Variants in TAS2R1 observed in about 807,000 individuals in gnomAD.
TAS2R1 encodes taste 2 receptor member 1.
For missense variants in TAS2R1, 370 were observed against 353.4 expected, an observed-to-expected ratio of 1.05 and a Z score of -0.38; for synonymous variants, 141 against 134.2, an observed-to-expected ratio of 1.05 and a Z score of -0.35.
chr5:9,850,240 T>A, the TAS2R1 span, among the ~76,000 whole-genome samples: 2 of 152,176 alleles, frequency 1.3e-5, no homozygotes, highest in Non-Finnish European at 2.9e-5. Flanking sequence ...ACATTGCTTG[T>A]CTACAAACTC....
At chr5:9,879,784 T>C in the TAS2R1 span, among the ~76,000 whole-genome samples, 6 of 152,190 alleles carry the variant, frequency 3.9e-5, no homozygotes, top group Non-Finnish European at 5.9e-5. Context: ...TCAAATTGTA[T>C]GGTGAAATGT....
the TAS2R1 span, among the ~76,000 whole-genome samples, chr5:9,751,826 A>G: frequency 6.6e-6 from 1 of 152,228 alleles, no homozygotes; most frequent in Admixed American, 6.5e-5. Context: ...TTCTAACTCA[A>G]TGTCCTAAGG....
chr5:9,836,084 T>C, the TAS2R1 span, among the ~76,000 whole-genome samples: 3 of 152,120 alleles, frequency 2.0e-5, no homozygotes, highest in East Asian at 5.9e-4. Context: ...TGATAGCAAA[T>C]AAGTCTCATG....
intron 1 of TAS2R1, among the ~76,000 whole-genome samples, chr5:9,702,914 G>A (rs1397934819): frequency 6.6e-6 from 1 of 152,050 alleles, no homozygotes; most frequent in Non-Finnish European, 1.5e-5. Context: ...TTACAGGAAA[G>A]GAGGGGAAGG....
chr5:9,647,335 A>G (rs1176414939), intron 2 of TAS2R1, among the ~76,000 whole-genome samples: 16 of 152,196 alleles, frequency 1.1e-4, no homozygotes, highest in Admixed American at 1.0e-3. Context: ...AGTTTTGACC[A>G]GCACAGCCTC....
chr5:9,853,501 C>T, the TAS2R1 span, among the ~76,000 whole-genome samples: 1 of 152,164 alleles, frequency 6.6e-6, no homozygotes, highest in Admixed American at 6.6e-5. Flanking sequence ...TGGTAACTTC[C>T]AGGTGTTGCC....
At chr5:9,784,854 G>T in the TAS2R1 span, among the ~76,000 whole-genome samples, 2 of 152,088 alleles carry the variant, frequency 1.3e-5, no homozygotes, top group Non-Finnish European at 2.9e-5. Flanking sequence ...TAGATTAGGG[G>T]TCCACCCTAC....
the TAS2R1 span, among the ~76,000 whole-genome samples, chr5:9,778,253 G>T: frequency 6.6e-6 from 1 of 152,238 alleles, no homozygotes; most frequent in South Asian, 2.1e-4. Context: ...AGTAGATCTC[G>T]ATGGTGGGCT....
chr5:9,780,458 A>T, the TAS2R1 span, among the ~76,000 whole-genome samples: 1 of 152,162 alleles, frequency 6.6e-6, no homozygotes, highest in South Asian at 2.1e-4. Context: ...CCCCCTACCC[A>T]CTAATGGACA....
At chr5:9,779,124 C>T in the TAS2R1 span, among the ~76,000 whole-genome samples, 3 of 152,178 alleles carry the variant, frequency 2.0e-5, no homozygotes, top group African/African-American at 7.2e-5. Context: ...GGCTTGGTGC[C>T]GTCCTCGCAG....
chr5:9,772,195 C>T, the TAS2R1 span, among the ~76,000 whole-genome samples: 14 of 151,990 alleles, frequency 9.2e-5, no homozygotes, highest in Admixed American at 3.9e-4. Context: ...GGTTTTGGTA[C>T]GTTATATTGC....
chr5:9,844,573 T>C, the TAS2R1 span, among the ~76,000 whole-genome samples: 1 of 152,224 alleles, frequency 6.6e-6, no homozygotes, highest in Admixed American at 6.5e-5. Flanking sequence ...TGTAATTTCA[T>C]ATAGTGCATT....
chr5:9,676,313 A>G lies in TAS2R1; in HGVS notation c.-241-16732T>C, dbSNP rs542442813. Among the ~76,000 whole-genome samples the G allele has an allele frequency of 2.0e-3, 299 of 152,320 alleles. 3 individuals carry two copies. Among genetic ancestry groups the G allele is most frequent in the Non-Finnish European group, 3.6e-3 (244 of 68,020 alleles). ...TGCCAAAGACAGAATATCCAATACA[A>G]TGCTGAAGAAGAACAAAGCTGGAGA... On this transcript the variant is annotated intron_variant, in intron 1 of 2. Transcript: ENST00000506620.
the TAS2R1 span, among the ~76,000 whole-genome samples, chr5:9,808,687 T>G: frequency 6.6e-6 from 1 of 152,120 alleles, no homozygotes; most frequent in Non-Finnish European, 1.5e-5. Context: ...GAATGAAGGC[T>G]GCAAACATAT....
chr5:9,843,152 A>G, the TAS2R1 span, among the ~76,000 whole-genome samples: 2 of 152,166 alleles, frequency 1.3e-5, no homozygotes, highest in Non-Finnish European at 2.9e-5. Context: ...GAAGTAGCTC[A>G]CAGAATGTTG....
At chr5:9,785,048 G>T in the TAS2R1 span, among the ~76,000 whole-genome samples, 334 of 152,266 alleles carry the variant, frequency 2.2e-3, 1 homozygote, top group African/African-American at 7.7e-3. Flanking sequence ...GCAAAAAAGA[G>T]GAATGCATCT....
chr5:9,669,414 A>G (rs1386868097), intron 1 of TAS2R1, among the ~76,000 whole-genome samples: 3 of 152,178 alleles, frequency 2.0e-5, no homozygotes, highest in African/African-American at 7.2e-5. Context: ...AAATGGACCT[A>G]AGAAACATCT....
At chr5:9,757,045 C>A in the TAS2R1 span, among the ~76,000 whole-genome samples, 3 of 152,124 alleles carry the variant, frequency 2.0e-5, no homozygotes, top group East Asian at 1.9e-4. Context: ...GCTCCCCAGA[C>A]AGATTTCAGA....
chr5:9,898,978 C>T, the TAS2R1 span, among the ~76,000 whole-genome samples: 3 of 152,146 alleles, frequency 2.0e-5, no homozygotes, highest in Admixed American at 6.5e-5. Context: ...CATGGAACTG[C>T]GAATTCTTGT....
Sources: gnomAD v4.1 joint callset for allele counts (sites outside exome capture counted in the v4.1 genomes callset) on GRCh38, gnomAD v4.1.1 for gene constraint, MANE v1.5 for transcripts, NCBI Gene and HGNC (gene_info 2026-07-23, HGNC 2026-07-21) for gene names.